Variants in MAGI2 observed in about 807,000 individuals in gnomAD.
The protein encoded by MAGI2 is membrane-associated guanylate kinase, WW and PDZ domain-containing protein 2.
A neutral mutation model predicts 133.3 loss-of-function variants in MAGI2; 35 were observed. The observed-to-expected ratio is 0.26, with a 90% CI of 0.20 to 0.35. MAGI2 has a LOEUF of 0.35. Among genes scored for constraint, MAGI2 ranks in the 10% least tolerant of loss-of-function variants. The pLI is 1.00. For synonymous variants in MAGI2, 729 were observed against 710.6 expected, an observed-to-expected ratio of 1.03 and a Z score of -0.41; for missense variants, 1,636 against 1,863.4, an observed-to-expected ratio of 0.88 and a Z score of 2.25.
At chr7:79,184,252 A>G in intron 1 of MAGI2, among the ~76,000 whole-genome samples, 1 of 151,546 alleles carries the variant, frequency 6.6e-6, no homozygotes, top group East Asian at 1.9e-4. Context: ...TGTATCCCCA[A>G]AATATATATA....
chr7:78,971,075 A>C (rs555155701), intron 2 of MAGI2, among the ~76,000 whole-genome samples: 4 of 152,068 alleles, frequency 2.6e-5, no homozygotes, highest in Non-Finnish European at 5.9e-5. Context: ...GTTTACTTAC[A>C]ATAAGCAATC....
intron 20 of MAGI2, among the ~76,000 whole-genome samples, chr7:78,105,169 G>A (rs886440881): frequency 4.6e-5 from 7 of 151,912 alleles, no homozygotes; most frequent in Non-Finnish European, 7.4e-5. Context: ...ATTTACTGGC[G>A]TTAACGTATA....
rs1156315653 is a variant in MAGI2, at chr7:78,369,181, G to T, written c.1078C>A (p.Pro360Thr). The T allele has an allele frequency of 6.2e-7, 1 of 1,604,470 alleles. No individual in the cohort carries two copies. Among genetic ancestry groups the T allele is most frequent in the Non-Finnish European group, 8.5e-7 (1 of 1,174,466 alleles). ...TCAACATAATAAGTGCCATAAATGG[G>T]ATCATCGATTTTTTCCCAGCCATAT... The part of the protein sequence containing the change: ...LPYGWEKIDD[P>T]IYGTYYVDHI... The change falls in exon 7 of 22, where the codon CCC becomes ACC. Residue 360 changes from proline (P) to threonine (T), a missense_variant. Pro to Thr is a conservative substitution (Grantham distance 38). Coordinates refer to ENST00000354212, the MANE Select transcript of MAGI2 (RefSeq NM_012301.4).
chr7:78,261,392 T>G lies in MAGI2; in HGVS notation c.1409-4811A>C, dbSNP rs2150962907. Among the ~76,000 whole-genome samples the G allele has an allele frequency of 2.0e-5, 3 of 152,266 alleles. 1 individual carries two copies. The highest frequency in any genetic ancestry group is 6.8e-3 in the Middle Eastern group (2 of 294). ...CTCACCTCTTCAAAGGTATCTTCCA[T>G]CACTCTTCCTGACATTGCTCCTATC... On this transcript the variant is annotated intron_variant, in intron 9 of 21. Transcript: ENST00000354212.
chr7:78,582,389 T>C (rs1038765581), intron 3 of MAGI2, among the ~76,000 whole-genome samples: 27 of 152,156 alleles, frequency 1.8e-4, no homozygotes, highest in Admixed American at 1.7e-3. Flanking sequence ...ATCTGTAAAA[T>C]TGTTATGCAA....
chr7:78,030,397 C>T, intron 21 of MAGI2, among the ~76,000 whole-genome samples: 1 of 152,156 alleles, frequency 6.6e-6, no homozygotes, highest in Non-Finnish European at 1.5e-5. Context: ...GCTGGGATTA[C>T]AGGCACACGC....
At chr7:78,912,539 G>A (rs931688223) in intron 2 of MAGI2, among the ~76,000 whole-genome samples, 24 of 151,930 alleles carry the variant, frequency 1.6e-4, no homozygotes, top group Admixed American at 1.6e-3. Context: ...TGTGAAAAGA[G>A]AGATTGGCTT....
At chr7:78,186,176 G>A (rs942995502) in intron 12 of MAGI2, among the ~76,000 whole-genome samples, 2 of 152,132 alleles carry the variant, frequency 1.3e-5, no homozygotes, top group African/African-American at 4.8e-5. Flanking sequence ...TGTATAAGTA[G>A]TTGAGTTAAA....
At chr7:78,783,441 T>C (rs1826555195) in intron 2 of MAGI2, among the ~76,000 whole-genome samples, 1 of 152,024 alleles carries the variant, frequency 6.6e-6, no homozygotes, top group Admixed American at 6.6e-5. Context: ...AGTCTGAAGG[T>C]GTATGTGTGT....
intron 6 of MAGI2, among the ~76,000 whole-genome samples, chr7:78,417,225 T>C (rs1798382130): frequency 6.6e-6 from 1 of 152,122 alleles, no homozygotes; most frequent in African/African-American, 2.4e-5. Flanking sequence ...ACTGTTATTT[T>C]ATTTTGAAGC....
At chr7:79,126,975 A>G (rs1361753463) in intron 1 of MAGI2, among the ~76,000 whole-genome samples, 1 of 90,822 alleles carries the variant, frequency 1.1e-5, no homozygotes, top group Non-Finnish European at 2.0e-5. Flanking sequence ...AACAGTCCCC[A>G]GAGTGTGATG....
chr7:78,329,317 TA>T (rs1469229526), intron 9 of MAGI2, among the ~76,000 whole-genome samples: 1 of 152,210 alleles, frequency 6.6e-6, no homozygotes, highest in Non-Finnish European at 1.5e-5. Flanking sequence ...GTCTGCATGG[TA>T]ATTTATCTCC....
intron 6 of MAGI2, among the ~76,000 whole-genome samples, chr7:78,394,568 C>G (rs1796176972): frequency 6.6e-6 from 1 of 152,192 alleles, no homozygotes; most frequent in South Asian, 2.1e-4. Context: ...TCTCTCTCCT[C>G]TACAGTTCAG....
At chr7:78,369,820 C>T (rs1167483154) in intron 6 of MAGI2, among the ~76,000 whole-genome samples, 2 of 151,590 alleles carry the variant, frequency 1.3e-5, no homozygotes, top group African/African-American at 4.8e-5. Context: ...TTCAATTCTC[C>T]ATAGCTAATT....
intron 2 of MAGI2, among the ~76,000 whole-genome samples, chr7:78,868,878 A>C (rs556317945): frequency 1.1e-4 from 16 of 152,184 alleles, no homozygotes; most frequent in Admixed American, 5.2e-4. Flanking sequence ...CACAGCCTCC[A>C]GAGTAGCTAG....
At chr7:79,037,784 A>T (rs1196380607) in intron 1 of MAGI2, among the ~76,000 whole-genome samples, 1 of 152,170 alleles carries the variant, frequency 6.6e-6, no homozygotes, top group Non-Finnish European at 1.5e-5. Flanking sequence ...TAATCTACAG[A>T]TATGCTCTTC....
chr7:79,424,106 T>A (rs1437607493), intron 1 of MAGI2, among the ~76,000 whole-genome samples: 4 of 152,114 alleles, frequency 2.6e-5, no homozygotes, highest in East Asian at 1.9e-4. Context: ...CATCCAGTGA[T>A]GTGATTTTTC....
chr7:78,021,877 A>G (rs1021595246), intron 21 of MAGI2, among the ~76,000 whole-genome samples: 1 of 152,210 alleles, frequency 6.6e-6, no homozygotes, highest in Admixed American at 6.5e-5. Context: ...TGAGACATAC[A>G]CTTTCTAAGG....
At chr7:78,707,975 C>T (rs974161780) in intron 2 of MAGI2, among the ~76,000 whole-genome samples, 8 of 152,110 alleles carry the variant, frequency 5.3e-5, no homozygotes, top group African/African-American at 1.9e-4. Flanking sequence ...TAGACTGTTT[C>T]CCTTTATAAG....
Sources: allele counts gnomAD v4.1 joint callset (sites outside exome capture counted in the v4.1 genomes callset), GRCh38; gene constraint gnomAD v4.1.1; transcripts MANE v1.5; gene names NCBI Gene and HGNC (gene_info 2026-07-23, HGNC 2026-07-21).